Variants in SMPD4 observed in about 807,000 individuals in gnomAD.
SMPD4 encodes the protein sphingomyelin phosphodiesterase 4.
Under a neutral mutation model 97.8 loss-of-function variants are expected in SMPD4, and 58 were observed. That is an observed-to-expected ratio of 0.59 (90% CI 0.48 to 0.74). The LOEUF is 0.74. Ranked by LOEUF, SMPD4 falls within the 30% of genes least tolerant of loss-of-function variation. SMPD4 has a pLI of 0.00. For missense variants in SMPD4, 853 were observed against 1,080.5 expected (o/e 0.79, Z 2.95); for synonymous variants, 388 against 450.0 (o/e 0.86, Z 1.74).
intron 11 of SMPD4, among the ~76,000 whole-genome samples, chr2:130,160,304 C>T (rs1187000020): frequency 6.6e-6 from 1 of 152,236 alleles, no homozygotes; most frequent in African/African-American, 2.4e-5. Context: ...CATCCCAGCC[C>T]ACCAGCGCTA....
intron 10 of SMPD4, among the ~76,000 whole-genome samples, chr2:130,163,729 G>C (rs1687649548): frequency 6.6e-6 from 1 of 152,266 alleles, no homozygotes; most frequent in South Asian, 2.1e-4. Flanking sequence ...CGGTCCAGGG[G>C]TGGTGCTAGC....
rs929945561 is a variant in SMPD4 at position 130,155,274 on chromosome 2, G to A, written c.1290-15C>T. 2.5e-6 allele frequency: 4 copies of A among 1,613,704 alleles called. No homozygotes were observed. The highest frequency in any genetic ancestry group is 1.1e-5 in the South Asian group (1 of 91,062). Reference sequence around the variant, plus strand: ...CAAAGGGTGCCCTGGGGACCGAGGTGGCAGGTTGGGGCCAGCCTTCCAACT... The same window carrying A: ...CAAAGGGTGCCCTGGGGACCGAGGTAGCAGGTTGGGGCCAGCCTTCCAACT... On this transcript the variant is annotated splice_polypyrimidine_tract_variant and intron_variant, in intron 14 of 19. Transcript: ENST00000680298.
At chr2:130,168,379 G>A (rs1186570631) in intron 8 of SMPD4, among the ~76,000 whole-genome samples, 4 of 152,002 alleles carry the variant, frequency 2.6e-5, no homozygotes, top group African/African-American at 4.8e-5. Flanking sequence ...AGCAGAGATC[G>A]TACCACTGCA....
At chr2:130,169,271 A>C (rs1688212200) in intron 8 of SMPD4, among the ~76,000 whole-genome samples, 1 of 152,170 alleles carries the variant, frequency 6.6e-6, no homozygotes, top group Non-Finnish European at 1.5e-5. Context: ...ACTGAAGGGG[A>C]CTAGAAATAT....
intron 11 of SMPD4, among the ~76,000 whole-genome samples, chr2:130,159,943 C>T (rs749233186): frequency 1.6e-4 from 25 of 152,176 alleles, no homozygotes; most frequent in Non-Finnish European, 3.2e-4. Flanking sequence ...CCGCCCCTGC[C>T]GCCGGCAGTC....
chr2:130,155,470 G>T (rs772533091), intron 14 of SMPD4, among the ~76,000 whole-genome samples: 2 of 152,136 alleles, frequency 1.3e-5, no homozygotes, highest in Non-Finnish European at 2.9e-5. Flanking sequence ...CTCTGAGGAT[G>T]CCACATCCTT....
At chr2:130,153,283 C>T in intron 18 of SMPD4, 36 bp downstream of exon 18, 1 of 1,613,328 alleles carries the variant, frequency 6.2e-7, no homozygotes, top group South Asian at 1.1e-5. Flanking sequence ...CGGGTCAGGG[C>T]CCAGCCTGTG....
Position 130,173,327 on chromosome 2 carries a change from C to T in SMPD4, c.297G>A (p.Lys99=). Residue 99 remains lysine, a synonymous_variant, in exon 5 of 20, where the codon AAG becomes AAA. Coordinates refer to ENST00000680298, the MANE Select transcript of SMPD4 (RefSeq NM_017951.5). ...CGAACTTATAGTCTTCAGCTTGAAG[C>T]TTATAAACCAACTTCATCATTGGGC... ...PGGPMMKLVY[K]LQAEDYKFDF... 1 of 1,613,258 alleles carries T rather than the reference C, an allele frequency of 6.2e-7. No individual in the cohort carries two copies.
chr2:130,160,818 G>A lies in SMPD4; in HGVS notation c.951+368C>T, dbSNP rs569222754. ...TCCTTCCTAAGCGCCAGACCCTGCA[G>A]AGTGCAGTGAACCCAGCCACTGCTG... On this transcript the variant is annotated intron_variant, in intron 11 of 19. Transcript: ENST00000680298. Among the ~76,000 whole-genome samples the A allele has an allele frequency of 3.9e-4, 60 of 152,286 alleles. 1 individual carries two copies. The East Asian group carries it at 8.3e-3, about 21-fold the overall frequency.
In SMPD4 at chr2:130,175,441, C is replaced by T. The variant is rs151084746; in HGVS notation, c.40-441G>A. Among the ~76,000 whole-genome samples, 520 of 152,216 alleles carry T rather than the reference C, an allele frequency of 3.4e-3. 2 individuals are homozygous for T. Among genetic ancestry groups the T allele is most frequent in the African/African-American group, 0.012 (496 of 41,524 alleles). ...ACCGTGATTACACCATTGTGATCAT[C>T]AGTAAGAACGCCCAACAACATCACG... is the stretch of plus-strand genomic sequence containing the variant. On this transcript the variant is annotated intron_variant, in intron 2 of 19. Transcript: ENST00000680298.
intron 1 of SMPD4, among the ~76,000 whole-genome samples, chr2:130,177,540 T>C (rs1689085209): frequency 6.6e-6 from 1 of 151,824 alleles, no homozygotes; most frequent in African/African-American, 2.4e-5. Context: ...TCTACCAAAA[T>C]ACAAAAATTA....
At chr2:130,154,558 G>A (rs1403813446) in intron 15 of SMPD4, 76 bp from the exon 16 acceptor site, 70 of 1,545,434 alleles carry the variant, frequency 4.5e-5, no homozygotes, top group East Asian at 2.9e-4. Flanking sequence ...GGATTCTGGG[G>A]TGTCTCTGAG....
chr2:130,172,040 T>C (rs1278867168), intron 8 of SMPD4, among the ~76,000 whole-genome samples: 1 of 152,158 alleles, frequency 6.6e-6, no homozygotes, highest in Non-Finnish European at 1.5e-5. Context: ...TCCACCCTGC[T>C]CACTGACTCA....
intron 11 of SMPD4, chr2:130,158,133 G>T: frequency 8.4e-7 from 1 of 1,185,746 alleles, no homozygotes; most frequent in Non-Finnish European, 1.1e-6. Context: ...GTAAGACCTG[G>T]TTCAAAAATA....
At chr2:130,163,907 C>T (rs897767854) in intron 10 of SMPD4, among the ~76,000 whole-genome samples, 13 of 152,234 alleles carry the variant, frequency 8.5e-5, no homozygotes, top group Non-Finnish European at 5.9e-5. Context: ...ACGAGAAGGG[C>T]TGCTTGCTCA....
intron 2 of SMPD4, among the ~76,000 whole-genome samples, chr2:130,176,067 C>G (rs1044875994): frequency 4.6e-5 from 7 of 151,946 alleles, no homozygotes; most frequent in African/African-American, 1.7e-4. Context: ...AAGTAATCCT[C>G]CTGCCTCAGT....
In SMPD4 at chr2:130,151,899, G is replaced by A. The variant is rs1238424890; in HGVS notation, c.*656C>T. ...GATGTTGGCCACTGCTTTGGGTGAT[G>A]TGCTCAATGGCTTGGGGTCTGCGGT... On this transcript the variant is annotated 3_prime_UTR_variant, in exon 20 of 20. Coordinates refer to ENST00000680298, the MANE Select transcript of SMPD4 (RefSeq NM_017951.5). The A allele has an allele frequency of 6.6e-6, 1 of 152,628 alleles. No homozygotes were observed. Among genetic ancestry groups the A allele is most frequent in the African/African-American group, 2.4e-5 (1 of 41,442 alleles). The allele number at this position is 152,628 out of a possible 1,614,324, so 9.5% of individuals were successfully genotyped here. A position where few individuals can be genotyped will look rare whatever the true frequency, so the allele number is the denominator to read the frequency against.
chr2:130,159,246 C>G (rs1687156371), intron 11 of SMPD4, among the ~76,000 whole-genome samples: 1 of 152,134 alleles, frequency 6.6e-6, no homozygotes, highest in Non-Finnish European at 1.5e-5. Context: ...CCGCCTGCCT[C>G]AACCTCCCAA....
chr2:130,152,941 C>G (rs1573655760), intron 19 of SMPD4, 57 bp from the exon 20 acceptor site: 1 of 1,557,426 alleles, frequency 6.4e-7, no homozygotes, highest in Non-Finnish European at 8.7e-7. Context: ...GGCCTCAGGA[C>G]AGCAGTACCC....
Sources: allele counts gnomAD v4.1 joint callset (sites outside exome capture counted in the v4.1 genomes callset), GRCh38; gene constraint gnomAD v4.1.1; transcripts MANE v1.5; gene names NCBI Gene and HGNC (gene_info 2026-07-23, HGNC 2026-07-21).